The following RBFOX3 variants were observed in gnomAD, a reference collection of about 807,000 sequenced individuals.
The protein encoded by RBFOX3 is RNA binding protein fox-1 homolog 3.
RBFOX3 carries 17 observed loss-of-function variants against 48.7 expected under a neutral mutation model. That is an observed-to-expected ratio of 0.35 (90% CI 0.24 to 0.52). The LOEUF is 0.52. Among genes scored for constraint, RBFOX3 ranks in the 20% least tolerant of loss-of-function variants. The pLI, the probability that RBFOX3 is intolerant of heterozygous loss-of-function variation, is 0.94. For synonymous variants in RBFOX3, 212 were observed against 209.5 expected, an observed-to-expected ratio of 1.01 and a Z score of -0.10; for missense variants, 382 against 497.5, an observed-to-expected ratio of 0.77 and a Z score of 2.21.
At chr17:79,447,255 T>C (rs1347039223) in intron 2 of RBFOX3, among the ~76,000 whole-genome samples, 1 of 152,216 alleles carries the variant, frequency 6.6e-6, no homozygotes, top group Non-Finnish European at 1.5e-5. Context: ...AGCCCAGGTC[T>C]CTGCCACCTT....
intron 4 of RBFOX3, among the ~76,000 whole-genome samples, chr17:79,186,666 A>T (rs577073587): frequency 8.5e-6 from 1 of 117,998 alleles, no homozygotes; most frequent in African/African-American, 3.2e-5. Flanking sequence ...TCCAGTGCTA[A>T]TATTCACTAC....
intron 2 of RBFOX3, among the ~76,000 whole-genome samples, chr17:79,478,148 A>C (rs981084680): frequency 2.2e-4 from 33 of 152,182 alleles, no homozygotes; most frequent in Non-Finnish European, 4.7e-4. Flanking sequence ...CTCAGCCCTC[A>C]AGGGTGCCAT....
In RBFOX3 at chr17:79,281,399, C is replaced by T. The variant is rs552764370; in HGVS notation, c.-74+26325G>A. 1.1e-4 allele frequency among the ~76,000 whole-genome samples: 16 copies of T among 151,670 alleles called. 1 individual carries two copies. The highest frequency in any genetic ancestry group is 3.3e-4 in the Admixed American group (5 of 15,056). ...AGAAGACTATCCAGGTGCCTTGGGC[C>T]TGGAGGAGCCGCAGGCTTGTGGTTT... On this transcript the variant is annotated intron_variant, in intron 3 of 14. Coordinates refer to ENST00000693108, the MANE Select transcript of RBFOX3 (RefSeq NM_001350451.2).
chr17:79,491,343 T>C lies in RBFOX3; in HGVS notation c.-319-8745A>G, dbSNP rs751851076. 8.1e-3 allele frequency among the ~76,000 whole-genome samples: 1,236 copies of C among 151,874 alleles called. 3 individuals carry two copies. The highest frequency in any genetic ancestry group is 0.014 in the Non-Finnish European group (967 of 67,950). On this transcript the variant is annotated intron_variant, in intron 1 of 14. Coordinates refer to ENST00000693108, the MANE Select transcript of RBFOX3 (RefSeq NM_001350451.2). ...AGATCAGGAAGTACCTTGAACACCA[T>C]GCCAAGGACTTTAAAAAGCCATTTG...
rs534022798 is a variant in RBFOX3, at chr17:79,299,779, C to T, written c.-74+7945G>A. On this transcript the variant is annotated intron_variant, in intron 3 of 14. Transcript: ENST00000693108. The surrounding 1 kb of genome is among the most constrained non-coding windows in gnomAD (Gnocchi z 4.5). ...AGGACAGACGCAAACAGAGGGATGG[C>T]CACATAAGGACATGGAGAAGACGGC... Among the ~76,000 whole-genome samples, 3 of 152,304 alleles carry T rather than the reference C, an allele frequency of 2.0e-5. No homozygotes were observed. Among genetic ancestry groups the T allele is most frequent in the South Asian group, 4.2e-4 (2 of 4,814 alleles).
Position 79,556,321 on chromosome 17 carries a change from C to T in RBFOX3, c.-320+54505G>A, listed in dbSNP as rs1040369827. Among the ~76,000 whole-genome samples, 375 of 151,678 alleles carry T rather than the reference C, an allele frequency of 2.5e-3. 2 individuals are homozygous for T. The highest frequency in any genetic ancestry group is 8.2e-3 in the African/African-American group (337 of 41,252). ...CAAAGAAATGAATACAGGAAGGGGACGTCAGGACATAAGGCAAAATAGACA... is the reference window on the plus strand; with the variant it reads ...CAAAGAAATGAATACAGGAAGGGGATGTCAGGACATAAGGCAAAATAGACA... On this transcript the variant is annotated intron_variant, in intron 1 of 14. Coordinates refer to ENST00000693108, the MANE Select transcript of RBFOX3 (RefSeq NM_001350451.2).
At chr17:79,562,405 C>CAT (rs1406160487) in intron 1 of RBFOX3, among the ~76,000 whole-genome samples, 1 of 152,156 alleles carries the variant, frequency 6.6e-6, no homozygotes, top group Non-Finnish European at 1.5e-5. Flanking sequence ...AAGTAGCATG[C>CAT]ATGTTGGGTT....
chr17:79,174,917 T>C (rs1599810345), intron 4 of RBFOX3, among the ~76,000 whole-genome samples: 1 of 152,316 alleles, frequency 6.6e-6, no homozygotes, highest in South Asian at 2.1e-4. Flanking sequence ...TGCACCTTCA[T>C]CCACAGTGGC....
intron 4 of RBFOX3, among the ~76,000 whole-genome samples, chr17:79,121,056 T>C (rs928637249): frequency 6.6e-5 from 10 of 152,068 alleles, no homozygotes; most frequent in African/African-American, 2.4e-4. Context: ...AATATTCTCC[T>C]TTATCCTCAC....
At chr17:79,157,292 G>A (rs1327459084) in intron 4 of RBFOX3, among the ~76,000 whole-genome samples, 2 of 152,228 alleles carry the variant, frequency 1.3e-5, no homozygotes, top group African/African-American at 4.8e-5. Flanking sequence ...CCACTCTGCA[G>A]CTGGCCCTGT....
chr17:79,659,265 T>C, the RBFOX3 span, among the ~76,000 whole-genome samples: 336 of 152,130 alleles, frequency 2.2e-3, 3 homozygotes, highest in South Asian at 8.9e-3. Context: ...GAAAAAGAAA[T>C]AGAATTTGGT....
At chr17:79,128,732 C>G (rs1363870170) in intron 4 of RBFOX3, among the ~76,000 whole-genome samples, 1 of 152,222 alleles carries the variant, frequency 6.6e-6, no homozygotes, top group Non-Finnish European at 1.5e-5. Context: ...GTGGGGACTC[C>G]TGCTGTGCCA....
At chr17:79,266,267 T>C (rs1443044820) in intron 3 of RBFOX3, among the ~76,000 whole-genome samples, 1 of 152,202 alleles carries the variant, frequency 6.6e-6, no homozygotes, top group Non-Finnish European at 1.5e-5. Context: ...CTTGGCACAT[T>C]CCCCTTGAGG....
At chr17:79,647,313 AGTTCCTC>A in the RBFOX3 span, among the ~76,000 whole-genome samples, 1 of 152,208 alleles carries the variant, frequency 6.6e-6, no homozygotes, top group East Asian at 1.9e-4. Context: ...AAAATGGGTG[AGTTCCTC>A]TCTCCCATAG....
chr17:79,270,650 G>A (rs1410124466), intron 3 of RBFOX3, among the ~76,000 whole-genome samples: 1 of 152,258 alleles, frequency 6.6e-6, no homozygotes, highest in African/African-American at 2.4e-5. Context: ...TCCCCCTCCA[G>A]GTGCAGCGCC....
chr17:79,363,218 G>A lies in RBFOX3; in HGVS notation c.-174-55394C>T, dbSNP rs1281900413. ...CGTGGCCAGGGGTTCTGTAGTGCCA[G>A]CAAGGCTGATGCACAGAGAGGGGAC... On this transcript the variant is annotated intron_variant, in intron 2 of 14. Transcript: ENST00000693108. The surrounding 1 kb of genome is among the most constrained non-coding windows in gnomAD (Gnocchi z 4.7). 1.3e-5 allele frequency among the ~76,000 whole-genome samples: 2 copies of A among 152,168 alleles called. No homozygotes were observed. The highest frequency in any genetic ancestry group is 2.9e-5 in the Non-Finnish European group (2 of 68,022).
At chr17:79,397,201 G>A (rs1433412127) in intron 2 of RBFOX3, among the ~76,000 whole-genome samples, 1 of 152,148 alleles carries the variant, frequency 6.6e-6, no homozygotes, top group Non-Finnish European at 1.5e-5. Flanking sequence ...AAGAAGCGTG[G>A]GCTGGGCGCA....
chr17:79,427,259 A>C (rs1348835496), intron 2 of RBFOX3, among the ~76,000 whole-genome samples: 2 of 152,266 alleles, frequency 1.3e-5, no homozygotes, highest in South Asian at 2.1e-4. Context: ...GCTCCATTCC[A>C]CATCACCCAG....
chr17:79,318,836 CAG>C (rs1451932360), intron 2 of RBFOX3, among the ~76,000 whole-genome samples: 8 of 87,436 alleles, frequency 9.1e-5, no homozygotes. Context: ...GCCTGGGTGA[CAG>C]AGCGAGACTC....
Sources: allele counts gnomAD v4.1 joint callset (sites outside exome capture counted in the v4.1 genomes callset), GRCh38; gene constraint gnomAD v4.1.1; non-coding constraint Gnocchi (gnomAD v3.1); transcripts MANE v1.5; gene names NCBI Gene and HGNC (gene_info 2026-07-23, HGNC 2026-07-21).